The following SNX30 variants were observed in gnomAD, a reference collection of about 807,000 sequenced individuals.
SNX30 encodes the protein sorting nexin-30.
A neutral mutation model predicts 46.4 loss-of-function variants in SNX30; 24 were observed. The ratio of observed to expected loss-of-function variants is 0.52; its 90% CI spans 0.37 to 0.73. The LOEUF (loss-of-function observed/expected upper bound fraction) is 0.73, where lower values mean the gene tolerates loss of function less well. Ranked by LOEUF, SNX30 falls within the 30% of genes least tolerant of loss-of-function variation. The pLI is 0.00. For synonymous variants in SNX30, 189 were observed against 211.5 expected, an observed-to-expected ratio of 0.89 and a Z score of 0.92; for missense variants, 533 against 555.7, an observed-to-expected ratio of 0.96 and a Z score of 0.41.
rs370054653 is a variant in SNX30, at chr9:112,858,044, T to C, written c.1102-6203T>C. Among the ~76,000 whole-genome samples, 4 of 152,282 alleles carry C rather than the reference T, an allele frequency of 2.6e-5. No homozygotes were observed. The East Asian group carries it at 7.7e-4, about 29-fold the overall frequency. On this transcript the variant is annotated intron_variant, in intron 7 of 8. Coordinates refer to ENST00000374232, the MANE Select transcript of SNX30 (RefSeq NM_001012994.2). ...TTGGGAACCAAGGTGAAAAATGCAA[T>C]TTTGTCACCTCTGTATAAATTTTTA...
chr9:112,843,951 AT>A (rs1564289137), intron 6 of SNX30, among the ~76,000 whole-genome samples: 1 of 152,156 alleles, frequency 6.6e-6, no homozygotes, highest in African/African-American at 2.4e-5. Flanking sequence ...AAGAGAAGCC[AT>A]TTGGTTTTAT....
chr9:112,883,131 G>A (rs1225007077), downstream of SNX30, among the ~76,000 whole-genome samples: 1 of 152,210 alleles, frequency 6.6e-6, no homozygotes, highest in Non-Finnish European at 1.5e-5. Context: ...GAGTTGAGCA[G>A]GGGGAACCAA....
rs916131544 is a variant in SNX30, at chr9:112,833,739, C to T, written c.619-2475C>T. 5.9e-5 allele frequency among the ~76,000 whole-genome samples: 9 copies of T among 152,300 alleles called. No homozygotes were observed. In the East Asian group the frequency reaches 7.7e-4, roughly 13 times the overall value. ...GAGCCCATTTGACTCTAGTCCCACTCGTAAAAACGCTGTCTGCAGAGGTAA... is the reference window on the plus strand; with the variant it reads ...GAGCCCATTTGACTCTAGTCCCACTTGTAAAAACGCTGTCTGCAGAGGTAA... On this transcript the variant is annotated intron_variant, in intron 4 of 8. Transcript: ENST00000374232.
At chr9:112,830,511 A>C (rs902926499) in intron 3 of SNX30, among the ~76,000 whole-genome samples, 2 of 152,018 alleles carry the variant, frequency 1.3e-5, no homozygotes, top group Non-Finnish European at 2.9e-5. Flanking sequence ...AGAGACTATA[A>C]TTTAGTGTTT....
downstream of SNX30, among the ~76,000 whole-genome samples, chr9:112,882,079 T>C (rs1164243737): frequency 6.6e-6 from 1 of 152,094 alleles, no homozygotes; most frequent in East Asian, 1.9e-4. Context: ...TTGTTGCCCA[T>C]AGTAAGACAT....
chr9:112,764,159 A>G (rs1245838219), intron 1 of SNX30, among the ~76,000 whole-genome samples: 1 of 152,154 alleles, frequency 6.6e-6, no homozygotes, highest in Non-Finnish European at 1.5e-5. Flanking sequence ...TGGAGAATGA[A>G]GGAATACATG....
chr9:112,880,721 G>T (rs1426896198), intron 5 of SNX30, among the ~76,000 whole-genome samples: 1 of 152,152 alleles, frequency 6.6e-6, no homozygotes, highest in Non-Finnish European at 1.5e-5. Flanking sequence ...GAACTTGGTG[G>T]TCCTGTAACA....
intron 3 of SNX30, among the ~76,000 whole-genome samples, chr9:112,830,267 A>T (rs910074649): frequency 6.6e-6 from 1 of 152,182 alleles, no homozygotes; most frequent in East Asian, 1.9e-4. Flanking sequence ...TACCTAATTT[A>T]TTCATTCACC....
chr9:112,846,129 AAG>A (rs1194936604), intron 6 of SNX30, among the ~76,000 whole-genome samples: 2 of 152,194 alleles, frequency 1.3e-5, no homozygotes, highest in Non-Finnish European at 2.9e-5. Flanking sequence ...AAGAAACCAA[AAG>A]AGAATTGGAG....
chr9:112,879,535 A>C (rs1841552416), downstream of SNX30: 4 of 506,274 alleles, frequency 7.9e-6, no homozygotes, highest in East Asian at 9.0e-5. Context: ...GTGTCTGCCT[A>C]ATGGGGGTGT....
chr9:112,750,776 C>T lies in SNX30; in HGVS notation c.-226C>T, dbSNP rs1468789674. 3 of 164,084 alleles carry T rather than the reference C, an allele frequency of 1.8e-5. No homozygotes were observed. The highest frequency in any genetic ancestry group is 1.3e-4 in the Admixed American group (2 of 14,848). The allele number at this position is 164,084 out of a possible 1,614,324, so 10.2% of individuals were successfully genotyped here. On this transcript the variant is annotated 5_prime_UTR_variant, in exon 1 of 9. Transcript: ENST00000374232. Reference sequence around the variant, plus strand: ...CTGGGCGCCGCGGCCGTGCTGCCAGCGGACCCGCGGCGGGCTCGGGCGCGG... The same window carrying T: ...CTGGGCGCCGCGGCCGTGCTGCCAGTGGACCCGCGGCGGGCTCGGGCGCGG...
chr9:112,804,614 G>C (rs745635754), intron 1 of SNX30, among the ~76,000 whole-genome samples, 162 bp from the exon 2 acceptor site: 1 of 152,200 alleles, frequency 6.6e-6, no homozygotes, highest in Non-Finnish European at 1.5e-5. Context: ...GGTCGTAAAA[G>C]ATTTGTTCAC....
chr9:112,827,894 G>A (rs1026205968), intron 3 of SNX30, among the ~76,000 whole-genome samples: 5 of 152,158 alleles, frequency 3.3e-5, no homozygotes, highest in South Asian at 2.1e-4. Context: ...CTTGGCCAAC[G>A]TTGTCTTGGT....
downstream of SNX30, chr9:112,879,914 G>T: frequency 8.2e-7 from 1 of 1,213,288 alleles, no homozygotes; most frequent in Non-Finnish European, 1.2e-6. Context: ...TACAAGCCAG[G>T]CTTTAGGCAA....
intron 6 of SNX30, among the ~76,000 whole-genome samples, chr9:112,841,615 C>G (rs1840860789): frequency 1.3e-5 from 2 of 152,204 alleles, no homozygotes; most frequent in Non-Finnish European, 2.9e-5. Flanking sequence ...TGCTCCTCCA[C>G]TTTTCACCAG....
At chr9:112,846,216 G>C (rs545036212) in intron 6 of SNX30, among the ~76,000 whole-genome samples, 4 of 152,234 alleles carry the variant, frequency 2.6e-5, no homozygotes, top group African/African-American at 9.6e-5. Flanking sequence ...GAAATGGGAA[G>C]CATCAAAGAA....
At chr9:112,797,873 A>ATTT (rs55871515) in intron 1 of SNX30, among the ~76,000 whole-genome samples, 7 of 121,942 alleles carry the variant, frequency 5.7e-5, no homozygotes, top group Non-Finnish European at 8.3e-5. Flanking sequence ...TAATATTGGT[A>ATTT]TTTTTTTTTT....
chr9:112,864,244 C>T lies in SNX30; in HGVS notation c.1102-3C>T. On this transcript the variant is annotated splice_polypyrimidine_tract_variant and splice_region_variant and intron_variant, in intron 7 of 8. Coordinates refer to ENST00000374232, the MANE Select transcript of SNX30 (RefSeq NM_001012994.2). ...GGCACCCATGTGTGCCTCCCTTTTC[C>T]AGGTACCGGCGGACGTCGAGAAATG... 4 of 1,613,698 alleles carry T rather than the reference C, an allele frequency of 2.5e-6. No individual in the cohort carries two copies. The highest frequency in any genetic ancestry group is 1.1e-5 in the South Asian group (1 of 91,044).
At chr9:112,764,585 G>A (rs1839502534) in intron 1 of SNX30, among the ~76,000 whole-genome samples, 1 of 152,108 alleles carries the variant, frequency 6.6e-6, no homozygotes, top group African/African-American at 2.4e-5. Context: ...GGGAGGAACA[G>A]GGCCGTGTTT....
Sources: gnomAD v4.1 joint callset for allele counts (sites outside exome capture counted in the v4.1 genomes callset) on GRCh38, gnomAD v4.1.1 for gene constraint, MANE v1.5 for transcripts, NCBI Gene and HGNC (gene_info 2026-07-23, HGNC 2026-07-21) for gene names.